Variants in EXOC2 observed in about 807,000 individuals in gnomAD.
The protein encoded by EXOC2 is exocyst complex component 2, also known as SEC5-like 1.
A neutral mutation model predicts 131.8 loss-of-function variants in EXOC2; 70 were observed. That is an observed-to-expected ratio of 0.53 (90% CI 0.44 to 0.65). EXOC2 has a LOEUF of 0.65. Ranked by LOEUF, EXOC2 falls within the 30% of genes least tolerant of loss-of-function variation. EXOC2 has a pLI of 0.00. For synonymous variants in EXOC2, 411 were observed against 398.4 expected (o/e 1.03, Z -0.38); for missense variants, 923 against 1,108.6 (o/e 0.83, Z 2.38).
At chr6:613,386 T>C (rs1446297015) in intron 6 of EXOC2, among the ~76,000 whole-genome samples, 1 of 151,900 alleles carries the variant, frequency 6.6e-6, no homozygotes, top group Non-Finnish European at 1.5e-5. Context: ...AAACCAGACT[T>C]GGACTGGGTA....
At chr6:689,416 G>T (rs1461945197) in intron 1 of EXOC2, among the ~76,000 whole-genome samples, 1 of 152,184 alleles carries the variant, frequency 6.6e-6, no homozygotes, top group Non-Finnish European at 1.5e-5. Context: ...AAACTCTTCT[G>T]CCTGTCAGTC....
Position 632,928 on chromosome 6 carries a change from T to G in EXOC2, c.295+13A>C, listed in dbSNP as rs1357977253. On this transcript the variant is annotated intron_variant, in intron 3 of 27. Transcript: ENST00000230449. ...TACTTTCTTCTTTAGAATAAACCCA[T>G]GAAAGACTTTACCTATTTTCTCAGG... 6.2e-7 allele frequency: 1 copy of G among 1,600,260 alleles called. No homozygotes were observed. The highest frequency in any genetic ancestry group is 8.5e-7 in the Non-Finnish European group (1 of 1,173,052).
chr6:578,899 T>G (rs992886643), intron 11 of EXOC2, among the ~76,000 whole-genome samples: 5 of 152,304 alleles, frequency 3.3e-5, no homozygotes, highest in Middle Eastern at 3.4e-3. Context: ...AGTTGTCACT[T>G]CTATCAATTG....
chr6:602,880 C>T (rs950476472), intron 7 of EXOC2, among the ~76,000 whole-genome samples: 7 of 152,176 alleles, frequency 4.6e-5, no homozygotes, highest in African/African-American at 1.7e-4. Flanking sequence ...ACACACCAGT[C>T]GGTGGAACTC....
At chr6:629,806 A>G in intron 4 of EXOC2, 29 bp downstream of exon 4, 3 of 1,607,478 alleles carry the variant, frequency 1.9e-6, no homozygotes, top group Non-Finnish European at 2.5e-6. Flanking sequence ...CTGAAAAATA[A>G]AGAAGACTGA....
intron 1 of EXOC2, among the ~76,000 whole-genome samples, chr6:648,131 A>G (rs1002635366): frequency 6.6e-6 from 1 of 152,226 alleles, no homozygotes; most frequent in Non-Finnish European, 1.5e-5. Context: ...ACACTGCAGT[A>G]TCCGTAGCAC....
At chr6:653,923 T>C (rs1762942287) in intron 1 of EXOC2, among the ~76,000 whole-genome samples, 1 of 152,244 alleles carries the variant, frequency 6.6e-6, no homozygotes, top group Admixed American at 6.5e-5. Context: ...CTTACCATTC[T>C]GAAAATCCTA....
chr6:631,117 G>A (rs1481559171), intron 3 of EXOC2, among the ~76,000 whole-genome samples: 1 of 152,240 alleles, frequency 6.6e-6, no homozygotes, highest in Non-Finnish European at 1.5e-5. Flanking sequence ...GGAGAAGGCT[G>A]TCTGAATACC....
At chr6:591,303 T>G (rs755087474) in intron 11 of EXOC2, among the ~76,000 whole-genome samples, 3 of 152,076 alleles carry the variant, frequency 2.0e-5, no homozygotes, top group Non-Finnish European at 4.4e-5. Context: ...CGACTCCCCA[T>G]CGCACTCTGG....
chr6:668,627 A>C (rs7454457), intron 1 of EXOC2, among the ~76,000 whole-genome samples: 93,470 of 151,950 alleles, frequency 0.62, 29,061 homozygotes, highest in East Asian at 0.79. Flanking sequence ...ATCGTACCCC[A>C]TGTATACTTA....
In EXOC2 at chr6:485,187, G is replaced by A. The variant is rs959112211; in HGVS notation, c.*1484C>T. 1 of 152,210 alleles carries A rather than the reference G, an allele frequency of 6.6e-6. No homozygotes were observed. The highest frequency in any genetic ancestry group is 2.4e-5 in the African/African-American group (1 of 41,452). 9.4% of individuals were successfully genotyped at this position (152,210 alleles called of 1,614,324 possible). On this transcript the variant is annotated 3_prime_UTR_variant, in exon 28 of 28. Coordinates refer to ENST00000230449, the MANE Select transcript of EXOC2 (RefSeq NM_018303.6). ...AGATTCTTTATTGGCTGAATGTGCT[G>A]TAGTAGATATTTAAAATATCACAAA...
intron 11 of EXOC2, among the ~76,000 whole-genome samples, chr6:581,195 C>G (rs977812495): frequency 6.6e-6 from 1 of 151,604 alleles, no homozygotes; most frequent in Non-Finnish European, 1.5e-5. Context: ...ACTCGAGAGG[C>G]TGAGGCAGGA....
Position 486,457 on chromosome 6 carries a change from G to C in EXOC2, c.*214C>G, listed in dbSNP as rs1763053966. 1.9e-6 allele frequency: 1 copy of C among 525,248 alleles called. No individual in the cohort carries two copies. The allele number at this position is 525,248 out of a possible 1,614,324, so 32.5% of individuals were successfully genotyped here. A position where few individuals can be genotyped will look rare whatever the true frequency, so the allele number is the denominator to read the frequency against. ...TGTATTTTAAAGTCATACAGGATCT[G>C]ATCTAGTAAGAATGGCAAAACAAAT... is the stretch of plus-strand genomic sequence containing the variant. On this transcript the variant is annotated 3_prime_UTR_variant, in exon 28 of 28. Transcript: ENST00000230449.
intron 11 of EXOC2, among the ~76,000 whole-genome samples, chr6:587,037 T>C (rs1759246826): frequency 6.6e-6 from 1 of 152,212 alleles, no homozygotes; most frequent in African/African-American, 2.4e-5. Context: ...CATTCCCCCA[T>C]ATTACCTTAC....
intron 22 of EXOC2, among the ~76,000 whole-genome samples, chr6:541,823 T>C (rs1309920005): frequency 6.6e-6 from 1 of 152,210 alleles, no homozygotes; most frequent in East Asian, 1.9e-4. Context: ...AATCTGGGCA[T>C]ACGGAAAATA....
chr6:599,519 T>G (rs1006613834), intron 7 of EXOC2, among the ~76,000 whole-genome samples: 3 of 152,230 alleles, frequency 2.0e-5, no homozygotes, highest in African/African-American at 7.2e-5. Flanking sequence ...CTAAACTGTA[T>G]AGCAATTATG....
chr6:507,879 T>C (rs1436605121), intron 23 of EXOC2, among the ~76,000 whole-genome samples: 1 of 152,208 alleles, frequency 6.6e-6, no homozygotes, highest in Non-Finnish European at 1.5e-5. Flanking sequence ...ATTGAACACT[T>C]TGGATTCACC....
chr6:592,546 T>G lies in EXOC2; in HGVS notation c.1115A>C (p.Gln372Pro). Residue 372 changes from glutamine (Q) to proline (P), a missense_variant, in exon 11 of 28, where the codon CAA becomes CCA. Coordinates refer to ENST00000230449, the MANE Select transcript of EXOC2 (RefSeq NM_018303.6). Reference sequence around the variant, plus strand: ...CCACTTGTGTTGGGCTCCAATGCATTGCCAAGCAGGGTCACCAGACGCATG... The same window carrying G: ...CCACTTGTGTTGGGCTCCAATGCATGGCCAAGCAGGGTCACCAGACGCATG... Reference protein sequence around the residue: ...DLHASGDPAWQCIGAQHKWIL... With the variant: ...DLHASGDPAWPCIGAQHKWIL... 2 of 1,614,076 alleles carry G rather than the reference T, an allele frequency of 1.2e-6. No homozygotes were observed. Among genetic ancestry groups the G allele is most frequent in the Admixed American group, 3.3e-5 (2 of 60,016 alleles).
chr6:634,698 T>C (rs1762016384), intron 2 of EXOC2, among the ~76,000 whole-genome samples: 1 of 152,222 alleles, frequency 6.6e-6, no homozygotes, highest in South Asian at 2.1e-4. Flanking sequence ...GTTTTTCTAA[T>C]AATGGCATTA....
Sources: gnomAD v4.1 joint callset for allele counts (sites outside exome capture counted in the v4.1 genomes callset) on GRCh38, gnomAD v4.1.1 for gene constraint, MANE v1.5 for transcripts, NCBI Gene and HGNC (gene_info 2026-07-23, HGNC 2026-07-21) for gene names.